The following OXR1 variants were observed in gnomAD, a reference collection of about 807,000 sequenced individuals.
The protein encoded by OXR1 is oxidation resistance 1, also known as oxidation resistance protein 1.
A neutral mutation model predicts 104.6 loss-of-function variants in OXR1; 41 were observed. The observed-to-expected ratio is 0.39, with a 90% CI of 0.31 to 0.51. OXR1 has a LOEUF of 0.51. OXR1 is among the 20% of genes least tolerant of loss of function. The pLI, the probability that OXR1 is intolerant of heterozygous loss-of-function variation, is 0.77. For synonymous variants in OXR1, 348 were observed against 348.4 expected, an observed-to-expected ratio of 1.00 and a Z score of 0.01; for missense variants, 955 against 1,031.9, an observed-to-expected ratio of 0.93 and a Z score of 1.02.
chr8:106,304,896 T>C (rs1032225313), intron 1 of OXR1, among the ~76,000 whole-genome samples: 5 of 152,146 alleles, frequency 3.3e-5, no homozygotes, highest in African/African-American at 1.2e-4. Flanking sequence ...TAACTCACCA[T>C]AGTTATTACT....
rs778112081 is a variant in OXR1 at position 106,710,704 on chromosome 8, G to A, written c.1707G>A (p.Thr569=). Residue 569 remains threonine, a synonymous_variant, in exon 10 of 17, where the codon ACG becomes ACA. Coordinates refer to ENST00000517566, the MANE Select transcript of OXR1 (RefSeq NM_001198533.2). Reference sequence around the variant, plus strand: ...GAGTTGGAAAACCAATGAGGAAAACGTTTGTATCTCAAGCAAGTGCTACAA... The same window carrying A: ...GAGTTGGAAAACCAATGAGGAAAACATTTGTATCTCAAGCAAGTGCTACAA... The part of the protein sequence containing the change: ...CLRVGKPMRK[T]FVSQASATMQ... 40 of 1,604,126 alleles carry A rather than the reference G, an allele frequency of 2.5e-5. No individual in the cohort carries two copies. The highest frequency in any genetic ancestry group is 3.2e-5 in the Non-Finnish European group (37 of 1,174,514).
At chr8:106,662,939 A>T (rs561457062) in intron 3 of OXR1, among the ~76,000 whole-genome samples, 4 of 152,234 alleles carry the variant, frequency 2.6e-5, no homozygotes, top group South Asian at 2.1e-4. Flanking sequence ...AAAGTCCAAA[A>T]TCTGAAACTT....
intron 2 of OXR1, 74 bp downstream of exon 2, chr8:106,359,710 C>A: frequency 1.9e-6 from 2 of 1,071,772 alleles, no homozygotes; most frequent in Non-Finnish European, 2.8e-6. Context: ...GGGAGTCGTA[C>A]AGGCAGAACT....
chr8:106,302,171 C>G (rs1460680751), intron 1 of OXR1, among the ~76,000 whole-genome samples: 3 of 152,058 alleles, frequency 2.0e-5, no homozygotes, highest in Non-Finnish European at 4.4e-5. Context: ...GTCCCAGGTT[C>G]TAGAATCATT....
Position 106,641,367 on chromosome 8 carries a change from G to A in OXR1, c.221-37843G>A, listed in dbSNP as rs141456139. Among the ~76,000 whole-genome samples the A allele has an allele frequency of 5.9e-3, 892 of 152,288 alleles. 9 individuals carry two copies. Among genetic ancestry groups the A allele is most frequent in the Non-Finnish European group, 5.0e-3 (338 of 68,022 alleles). On this transcript the variant is annotated intron_variant, in intron 3 of 16. Transcript: ENST00000517566. ...TCAGGAAGTGGCAACAGCCTGCCCT[G>A]CATCTTCTCTGTAAATGAGATGGAG...
intron 10 of OXR1, 38 bp downstream of exon 10, chr8:106,710,828 G>T (rs1831612784): frequency 2.4e-6 from 3 of 1,274,736 alleles, no homozygotes; most frequent in African/African-American, 3.1e-5. Flanking sequence ...GCATTATTGA[G>T]ATTCTTTGAA....
At chr8:106,616,921 T>G (rs966030912) in intron 3 of OXR1, among the ~76,000 whole-genome samples, 4 of 152,242 alleles carry the variant, frequency 2.6e-5, no homozygotes, top group Non-Finnish European at 4.4e-5. Context: ...TTGTGATCTC[T>G]GCCCTCAAAT....
intron 6 of OXR1, among the ~76,000 whole-genome samples, chr8:106,692,020 T>C (rs751425205): frequency 6.0e-5 from 9 of 151,064 alleles, no homozygotes; most frequent in Non-Finnish European, 1.2e-4. Context: ...TATATACACA[T>C]ATATATATAA....
intron 3 of OXR1, among the ~76,000 whole-genome samples, chr8:106,605,979 T>G (rs1216998151): frequency 4.1e-5 from 3 of 72,992 alleles, no homozygotes; most frequent in Non-Finnish European, 8.0e-5. Context: ...CACTATGGGA[T>G]GCAAAGTGTT....
intron 7 of OXR1, among the ~76,000 whole-genome samples, chr8:106,695,997 T>C (rs544833902): frequency 2.1e-5 from 2 of 96,550 alleles, no homozygotes; most frequent in South Asian, 5.9e-4. Context: ...GGAAAGCCCA[T>C]AAGATTCTCT....
chr8:106,467,786 G>A (rs1821254968), intron 2 of OXR1, among the ~76,000 whole-genome samples: 1 of 151,872 alleles, frequency 6.6e-6, no homozygotes, highest in South Asian at 2.1e-4. Flanking sequence ...CTGGATTCTT[G>A]TATTTCTGAA....
intron 7 of OXR1, among the ~76,000 whole-genome samples, chr8:106,694,352 GT>G (rs1457440511): frequency 6.9e-6 from 1 of 144,590 alleles, no homozygotes; most frequent in African/African-American, 2.5e-5. Context: ...GGATTTATCT[GT>G]TTTTGCCTTT....
chr8:106,709,458 A>G (rs1398237343), intron 9 of OXR1, among the ~76,000 whole-genome samples: 1 of 152,052 alleles, frequency 6.6e-6, no homozygotes, highest in Non-Finnish European at 1.5e-5. Context: ...AATGCATCTG[A>G]TAGTTATCTT....
At chr8:106,600,388 C>T (rs1819882476) in intron 3 of OXR1, among the ~76,000 whole-genome samples, 1 of 152,218 alleles carries the variant, frequency 6.6e-6, no homozygotes, top group African/African-American at 2.4e-5. Flanking sequence ...TTCTTCCAAC[C>T]TCTCATCCAA....
At chr8:106,688,591 G>T (rs961103301) in intron 6 of OXR1, among the ~76,000 whole-genome samples, 4 of 151,986 alleles carry the variant, frequency 2.6e-5, no homozygotes, top group African/African-American at 9.7e-5. Flanking sequence ...CTTAAAGAGT[G>T]CTTACTATGT....
chr8:106,365,238 T>C (rs1244193147), intron 2 of OXR1, among the ~76,000 whole-genome samples: 1 of 151,950 alleles, frequency 6.6e-6, no homozygotes, highest in Non-Finnish European at 1.5e-5. Flanking sequence ...ATAATATGAG[T>C]ATTTCTCAGT....
intron 12 of OXR1, among the ~76,000 whole-genome samples, chr8:106,737,986 ATATTT>A (rs1438003784): frequency 1.3e-5 from 2 of 152,196 alleles, no homozygotes; most frequent in Non-Finnish European, 2.9e-5. Flanking sequence ...CAAGGCTTAA[ATATTT>A]TATTTAAGGC....
intron 2 of OXR1, among the ~76,000 whole-genome samples, chr8:106,504,569 CGAG>C (rs1211224464): frequency 1.3e-5 from 2 of 152,096 alleles, no homozygotes; most frequent in Non-Finnish European, 2.9e-5. Flanking sequence ...ATGTATAGCA[CGAG>C]CTCAAGAAAT....
chr8:106,396,416 T>C (rs1429304295), intron 2 of OXR1, among the ~76,000 whole-genome samples: 2 of 152,074 alleles, frequency 1.3e-5, no homozygotes, highest in South Asian at 4.1e-4. Context: ...TTTGTGACAG[T>C]GTTCCCCAAA....
Sources: gnomAD v4.1 joint callset for allele counts (sites outside exome capture counted in the v4.1 genomes callset) on GRCh38, gnomAD v4.1.1 for gene constraint, MANE v1.5 for transcripts, NCBI Gene and HGNC (gene_info 2026-07-23, HGNC 2026-07-21) for gene names.